The following DNAH3 variants were observed in gnomAD, a reference collection of about 807,000 sequenced individuals.
DNAH3 encodes axonemal beta dynein heavy chain 3.
In DNAH3, 332 loss-of-function variants were observed where a neutral mutation model predicts 432.5. The ratio of observed to expected loss-of-function variants is 0.77; its 90% CI spans 0.70 to 0.84. DNAH3 has a LOEUF of 0.84. DNAH3 is among the 40% of genes least tolerant of loss of function. The pLI, the probability that DNAH3 is intolerant of heterozygous loss-of-function variation, is 0.00. For synonymous variants in DNAH3, 1,956 were observed against 1,900.2 expected, an observed-to-expected ratio of 1.03 and a Z score of -0.76; for missense variants, 4,861 against 5,114.0, an observed-to-expected ratio of 0.95 and a Z score of 1.51.
chr16:20,957,123 A>G lies in DNAH3; in HGVS notation c.10826+2056T>C, dbSNP rs948030233. ...AACTGTGGCCTAATCCGACTTTGTA[A>G]ATAAGCACCAAACACTTTCCCTCTT... is the stretch of plus-strand genomic sequence containing the variant. On this transcript the variant is annotated intron_variant, in intron 54 of 61. Transcript: ENST00000261383. 2.0e-5 allele frequency among the ~76,000 whole-genome samples: 3 copies of G among 152,192 alleles called. No homozygotes were observed. The East Asian group carries it at 5.8e-4, about 29-fold the overall frequency.
chr16:21,047,411 T>C (rs1482182246), intron 31 of DNAH3, among the ~76,000 whole-genome samples: 1 of 151,868 alleles, frequency 6.6e-6, no homozygotes, highest in African/African-American at 2.4e-5. Context: ...CCCTTCTCGC[T>C]TCATTTCATT....
intron 61 of DNAH3, among the ~76,000 whole-genome samples, chr16:20,934,242 GGAA>G (rs761292926): frequency 6.6e-5 from 10 of 152,240 alleles, no homozygotes; most frequent in Non-Finnish European, 1.3e-4. Flanking sequence ...AGTATATATT[GGAA>G]GAATAGGAAA....
intron 20 of DNAH3, among the ~76,000 whole-genome samples, chr16:21,076,201 AAT>A (rs2090969773): frequency 6.6e-6 from 1 of 152,148 alleles, no homozygotes. Context: ...ATTAAATTAA[AAT>A]AAGTCATGAG....
intron 20 of DNAH3, among the ~76,000 whole-genome samples, chr16:21,080,999 C>T (rs534414992): frequency 1.3e-5 from 2 of 152,218 alleles, no homozygotes; most frequent in Admixed American, 1.3e-4. Flanking sequence ...CTCACTGCAA[C>T]CTCCACCTCC....
intron 31 of DNAH3, among the ~76,000 whole-genome samples, chr16:21,045,628 C>T (rs330142): frequency 0.12 from 17,845 of 146,196 alleles, 1,113 homozygotes; most frequent in African/African-American, 0.21. Flanking sequence ...AAAACCAGCT[C>T]CTGGATTCAT....
exon 45 of DNAH3, chr16:20,987,983 A>C: frequency 6.2e-7 from 1 of 1,614,230 alleles, no homozygotes; most frequent in South Asian, 1.1e-5. Flanking sequence ...AGTGCCAGTC[A>C]ACAATCGAAC....
intron 51 of DNAH3, among the ~76,000 whole-genome samples, chr16:20,972,102 G>A (rs2085366754): frequency 6.6e-6 from 1 of 152,166 alleles, no homozygotes; most frequent in East Asian, 1.9e-4. Context: ...AACACACAGG[G>A]GCAGCATCTA....
intron 42 of DNAH3, among the ~76,000 whole-genome samples, chr16:21,001,212 G>A (rs1369006592): frequency 6.6e-6 from 1 of 152,144 alleles, no homozygotes; most frequent in African/African-American, 2.4e-5. Context: ...GACTCTTAAG[G>A]CCGGGTCTCG....
chr16:20,944,789 A>G, intron 57 of DNAH3, 126 bp from the exon 58 acceptor site: 1 of 821,918 alleles, frequency 1.2e-6, no homozygotes, highest in Non-Finnish European at 2.0e-6. Flanking sequence ...ACACACACAC[A>G]CACACACACA....
intron 31 of DNAH3, among the ~76,000 whole-genome samples, chr16:21,042,510 T>C (rs553543220): frequency 6.6e-6 from 1 of 152,278 alleles, no homozygotes. Flanking sequence ...TCAGGGATTT[T>C]TATATTTCCT....
At chr16:20,962,911 A>G (rs1374254461) in intron 53 of DNAH3, among the ~76,000 whole-genome samples, 1 of 152,132 alleles carries the variant, frequency 6.6e-6, no homozygotes, top group African/African-American at 2.4e-5. Flanking sequence ...CTCCCAACTC[A>G]TTCTCCCAAA....
intron 12 of DNAH3, among the ~76,000 whole-genome samples, chr16:21,115,201 T>C (rs933800859): frequency 2.6e-5 from 4 of 151,858 alleles, no homozygotes; most frequent in African/African-American, 4.8e-5. Flanking sequence ...ATGAGAACAC[T>C]TGGACACAGG....
chr16:21,050,924 A>G (rs2152743192), intron 29 of DNAH3, among the ~76,000 whole-genome samples: 1 of 152,312 alleles, frequency 6.6e-6, no homozygotes, highest in East Asian at 1.9e-4. Flanking sequence ...TCTATCTTGT[A>G]ATCATTTGAA....
At chr16:21,006,864 C>T (rs777266091) in intron 41 of DNAH3, among the ~76,000 whole-genome samples, 14 of 152,010 alleles carry the variant, frequency 9.2e-5, no homozygotes, top group Admixed American at 3.3e-4. Flanking sequence ...TTTGTAGAGA[C>T]GGGGTTTTTG....
intron 39 of DNAH3, 45 bp downstream of exon 39, chr16:21,024,551 G>T: frequency 7.0e-7 from 1 of 1,418,810 alleles, no homozygotes; most frequent in Non-Finnish European, 9.6e-7. Flanking sequence ...GAGATGAAAA[G>T]CAGGGAGACA....
chr16:21,041,726 C>T (rs566718119), intron 32 of DNAH3, among the ~76,000 whole-genome samples: 16 of 152,184 alleles, frequency 1.1e-4, no homozygotes, highest in Non-Finnish European at 1.3e-4. Context: ...CTGAGTGCAA[C>T]GGCGCTATCT....
chr16:21,111,956 GT>G, intron 13 of DNAH3, 36 bp downstream of exon 13: 1 of 1,572,054 alleles, frequency 6.4e-7, no homozygotes, highest in South Asian at 1.1e-5. Flanking sequence ...TGCAGCACAT[GT>G]CACCAAGGTA....
chr16:20,985,754 T>TG, intron 47 of DNAH3, 39 bp from the exon 48 acceptor site: 1 of 1,590,034 alleles, frequency 6.3e-7, no homozygotes, highest in Admixed American at 1.7e-5. Context: ...ATTCAGTGAA[T>TG]GGCCCAGCCA....
chr16:21,111,626 C>T (rs769804159), exon 14 of DNAH3: 73 of 1,608,930 alleles, frequency 4.5e-5, no homozygotes, highest in Non-Finnish European at 5.8e-5. Context: ...ATTACAATAC[C>T]TGGTATTGGT....
Sources: gnomAD v4.1 joint callset for allele counts (sites outside exome capture counted in the v4.1 genomes callset) on GRCh38, gnomAD v4.1.1 for gene constraint, MANE v1.5 for transcripts, NCBI Gene and HGNC (gene_info 2026-07-23, HGNC 2026-07-21) for gene names.